Variants in TMEM117 observed in about 807,000 individuals in gnomAD.
TMEM117 encodes the protein transmembrane protein 117.
TMEM117 carries 27 observed loss-of-function variants against 52.4 expected under a neutral mutation model. The observed-to-expected ratio is 0.51, with a 90% confidence interval of 0.38 to 0.71. The LOEUF (loss-of-function observed/expected upper bound fraction) is 0.71, where lower values mean the gene tolerates loss of function less well. Among genes scored for constraint, TMEM117 ranks in the 30% least tolerant of loss-of-function variants. TMEM117 has a pLI of 0.00. For synonymous variants in TMEM117, 215 were observed against 206.3 expected (o/e 1.04, Z -0.36); for missense variants, 556 against 630.5 (o/e 0.88, Z 1.26).
At chr12:43,804,661 G>GA in the TMEM117 span, 1 of 852,020 alleles carries the variant, frequency 1.2e-6, no homozygotes, top group African/African-American at 1.8e-5. Flanking sequence ...AGAATACAAA[G>GA]AAAAAATCTG....
At chr12:43,832,905 C>G (rs746499477), upstream of TMEM117, among the ~76,000 whole-genome samples, 3 of 152,180 alleles carry the variant, frequency 2.0e-5, no homozygotes, top group African/African-American at 4.8e-5. Flanking sequence ...TACAATAAGC[C>G]TTCAATAAGT....
intron 3 of TMEM117, among the ~76,000 whole-genome samples, chr12:44,051,287 G>A (rs1230741902): frequency 1.3e-5 from 2 of 152,094 alleles, no homozygotes; most frequent in African/African-American, 4.8e-5. Flanking sequence ...ATGGTAATTT[G>A]ATGTGAGAGG....
At position 43,856,494 on chromosome 12, in the gene TMEM117, A is replaced by G. The variant is rs973963573; in HGVS notation, c.277+11566A>G. Among the ~76,000 whole-genome samples, 4 of 152,224 alleles carry G rather than the reference A, an allele frequency of 2.6e-5. No homozygotes were observed. The East Asian group carries it at 5.8e-4, about 22-fold the overall frequency. ...TTTAAAAAAGCAGTTCCTCATGTCT[A>G]TCACTATGAAACAGTCCCTCATACC... On this transcript the variant is annotated intron_variant, in intron 2 of 7. Coordinates refer to ENST00000266534, the MANE Select transcript of TMEM117 (RefSeq NM_032256.3).
chr12:43,913,007 A>G (rs1944541269), intron 2 of TMEM117, among the ~76,000 whole-genome samples: 1 of 152,202 alleles, frequency 6.6e-6, no homozygotes. Context: ...AGCATCTGGA[A>G]CTGTTTTGAG....
At chr12:44,217,419 C>A (rs1228672001) in intron 5 of TMEM117, among the ~76,000 whole-genome samples, 1 of 152,178 alleles carries the variant, frequency 6.6e-6, no homozygotes, top group Non-Finnish European at 1.5e-5. Flanking sequence ...AGCGTGAATT[C>A]CCCTCAGCAC....
chr12:43,847,544 A>G (rs943051602), intron 2 of TMEM117, among the ~76,000 whole-genome samples: 2 of 152,190 alleles, frequency 1.3e-5, no homozygotes, highest in East Asian at 1.9e-4. Flanking sequence ...CTGACTCAGA[A>G]CAAATGAAAG....
intron 6 of TMEM117, among the ~76,000 whole-genome samples, chr12:44,357,145 A>G (rs1030629809): frequency 1.3e-5 from 2 of 152,134 alleles, no homozygotes; most frequent in African/African-American, 4.8e-5. Context: ...AATCTTAGTC[A>G]TCTTTTCAAC....
At chr12:44,055,398 T>C (rs1947038041) in intron 3 of TMEM117, among the ~76,000 whole-genome samples, 1 of 152,184 alleles carries the variant, frequency 6.6e-6, no homozygotes, top group Admixed American at 6.5e-5. Flanking sequence ...TTAAAATATA[T>C]ATCTCTTACA....
Position 43,912,443 on chromosome 12 carries a change from C to T in TMEM117, c.278-31767C>T, listed in dbSNP as rs556127417. Among the ~76,000 whole-genome samples, 1,137 of 149,130 alleles carry T rather than the reference C, an allele frequency of 7.6e-3. 16 individuals carry two copies. The highest frequency in any genetic ancestry group is 0.026 in the African/African-American group (1,028 of 39,148). ...AGTGCACCAGCATGGCACATGTATA[C>T]GTATGTAACTAACCTGCGCGTTGTG... On this transcript the variant is annotated intron_variant, in intron 2 of 7. Transcript: ENST00000266534.
At chr12:44,148,999 C>A (rs1948684347) in intron 4 of TMEM117, among the ~76,000 whole-genome samples, 1 of 152,166 alleles carries the variant, frequency 6.6e-6, no homozygotes, top group Non-Finnish European at 1.5e-5. Flanking sequence ...CCAGGCTATG[C>A]ACTTCTTCAC....
chr12:43,799,458 T>C, the TMEM117 span: 9 of 1,610,276 alleles, frequency 5.6e-6, no homozygotes, highest in South Asian at 3.3e-5. Context: ...CAGGGGAAGA[T>C]TGTGACAGCA....
intron 2 of TMEM117, among the ~76,000 whole-genome samples, chr12:43,847,363 AT>A (rs1943227602): frequency 1.3e-5 from 2 of 151,960 alleles, no homozygotes. Context: ...AGGAAGGTGA[AT>A]ATTCTTCTCT....
At chr12:44,176,780 A>T (rs1356891545) in intron 4 of TMEM117, among the ~76,000 whole-genome samples, 3 of 152,164 alleles carry the variant, frequency 2.0e-5, no homozygotes, top group Non-Finnish European at 4.4e-5. Context: ...CATTCTCTGC[A>T]TTGTGAGGTG....
intron 5 of TMEM117, chr12:44,249,009 T>C (rs1950165269): frequency 6.6e-6 from 1 of 152,268 alleles, no homozygotes; most frequent in African/African-American, 2.4e-5. Flanking sequence ...CTGCTTCCTA[T>C]TAGTTCTGTT....
intron 2 of TMEM117, among the ~76,000 whole-genome samples, chr12:43,865,165 G>A (rs1565725152): frequency 6.6e-6 from 1 of 152,188 alleles, no homozygotes; most frequent in African/African-American, 2.4e-5. Context: ...CTTGAAGTCA[G>A]TGAGACCAAG....
In TMEM117 at chr12:43,971,206, C is replaced by T. The variant is rs542897213; in HGVS notation, c.410+26864C>T. Among the ~76,000 whole-genome samples, 4 of 152,268 alleles carry T rather than the reference C, an allele frequency of 2.6e-5. No homozygotes were observed. In the South Asian group the frequency reaches 8.3e-4, roughly 32 times the overall value. ...TAATTAGTCCTACCTTACTGATGCTCTCCTTATTATTTCTTTCTTGGATTA... is the reference window on the plus strand; with the variant it reads ...TAATTAGTCCTACCTTACTGATGCTTTCCTTATTATTTCTTTCTTGGATTA... On this transcript the variant is annotated intron_variant, in intron 3 of 7. Coordinates refer to ENST00000266534, the MANE Select transcript of TMEM117 (RefSeq NM_032256.3).
intron 3 of TMEM117, among the ~76,000 whole-genome samples, chr12:44,038,813 C>CT (rs1946752955): frequency 6.6e-6 from 1 of 152,232 alleles, no homozygotes; most frequent in African/African-American, 2.4e-5. Flanking sequence ...GAATATTAAT[C>CT]TTTTTTTCAG....
At chr12:43,864,202 C>T (rs567804357) in intron 2 of TMEM117, among the ~76,000 whole-genome samples, 54 of 152,314 alleles carry the variant, frequency 3.5e-4, no homozygotes, top group African/African-American at 1.3e-3. Flanking sequence ...GGTTCCTGCG[C>T]GGCCTGAGCC....
chr12:43,935,051 G>A (rs779581152), intron 2 of TMEM117, among the ~76,000 whole-genome samples: 17 of 151,470 alleles, frequency 1.1e-4, no homozygotes, highest in Non-Finnish European at 1.3e-4. Flanking sequence ...TCTGTCACCC[G>A]GGCTGGAATG....
Sources: allele counts gnomAD v4.1 joint callset (sites outside exome capture counted in the v4.1 genomes callset), GRCh38; gene constraint gnomAD v4.1.1; transcripts MANE v1.5; gene names NCBI Gene and HGNC (gene_info 2026-07-23, HGNC 2026-07-21).